Variants in GYG1 observed in about 807,000 individuals in gnomAD.
The protein encoded by GYG1 is glycogenin-1.
A neutral mutation model predicts 41.9 loss-of-function variants in GYG1; 44 were observed. The ratio of observed to expected loss-of-function variants is 1.05; its 90% CI spans 0.83 to 1.35. GYG1 has a LOEUF of 1.35. GYG1 is among the 40% of genes most tolerant of loss of function. The probability of loss-of-function intolerance (pLI) is 0.00; values close to 1 mark genes in which losing one functional copy is unlikely to be tolerated. For synonymous variants in GYG1, 141 were observed against 158.1 expected (o/e 0.89, Z 0.81); for missense variants, 429 against 418.9 (o/e 1.02, Z -0.21).
At chr3:149,015,252 GTA>G (rs1198857466) in intron 5 of GYG1, among the ~76,000 whole-genome samples, 1 of 152,172 alleles carries the variant, frequency 6.6e-6, no homozygotes, top group Non-Finnish European at 1.5e-5. Context: ...CCTAGTGAAA[GTA>G]TGAAATAGCT....
chr3:149,003,656 G>T (rs1051885275), intron 4 of GYG1, among the ~76,000 whole-genome samples: 7 of 152,118 alleles, frequency 4.6e-5, no homozygotes, highest in South Asian at 4.1e-4. Flanking sequence ...TTAAGATGTG[G>T]CTTCTGATTC....
chr3:149,022,790 G>A (rs567851089), intron 5 of GYG1, among the ~76,000 whole-genome samples: 3 of 151,916 alleles, frequency 2.0e-5, no homozygotes, highest in South Asian at 2.1e-4. Context: ...CACCGTACCC[G>A]GCCTGTTTTG....
chr3:149,018,702 C>CT (rs1714204442), intron 5 of GYG1, among the ~76,000 whole-genome samples: 1 of 152,112 alleles, frequency 6.6e-6, no homozygotes. Context: ...AGCTGGTCCT[C>CT]TAAAACCTCT....
chr3:149,029,047 C>T lies in GYG1; in HGVS notation c.*2114C>T, dbSNP rs1031737969. Among the ~76,000 whole-genome samples the T allele has an allele frequency of 2.6e-5, 4 of 152,154 alleles. No homozygotes were observed. Among genetic ancestry groups the T allele is most frequent in the African/African-American group, 7.2e-5 (3 of 41,434 alleles). ...TTAAATTTCAAATAAGTAGTGAAGGCTATTATTAACTTTTGGAATCAGAAA... is the reference window on the plus strand; with the variant it reads ...TTAAATTTCAAATAAGTAGTGAAGGTTATTATTAACTTTTGGAATCAGAAA... On this transcript the variant is annotated 3_prime_UTR_variant, in exon 8 of 8. Coordinates refer to ENST00000345003, the MANE Select transcript of GYG1 (RefSeq NM_004130.4).
chr3:148,994,054 C>A, intron 1 of GYG1, 88 bp from the exon 2 acceptor site: 1 of 1,202,128 alleles, frequency 8.3e-7, no homozygotes, highest in Non-Finnish European at 1.2e-6. Flanking sequence ...ACTGGTTTTG[C>A]TGAATTACTG....
At chr3:148,991,825 C>T (rs1195573344) in intron 1 of GYG1, among the ~76,000 whole-genome samples, 178 bp downstream of exon 1, 1 of 152,204 alleles carries the variant, frequency 6.6e-6, no homozygotes, top group Non-Finnish European at 1.5e-5. Flanking sequence ...CGCCCCGCCG[C>T]CCCCCAGAGT....
rs1576562154 is a variant in GYG1 at position 149,031,447 on chromosome 3, A to C, written c.*4514A>C. ...CTATTTATAGAAATATCTATTTAGCAGTTCCATAATTTAAAATATTCAAAT... is the reference window on the plus strand; with the variant it reads ...CTATTTATAGAAATATCTATTTAGCCGTTCCATAATTTAAAATATTCAAAT... On this transcript the variant is annotated 3_prime_UTR_variant, in exon 8 of 8. Coordinates refer to ENST00000345003, the MANE Select transcript of GYG1 (RefSeq NM_004130.4). 1.3e-5 allele frequency: 2 copies of C among 152,768 alleles called. No homozygotes were observed. Among genetic ancestry groups the C allele is most frequent in the South Asian group, 4.1e-4 (2 of 4,828 alleles). The allele number at this position is 152,768 out of a possible 1,614,324, so 9.5% of individuals were successfully genotyped here.
At position 149,031,622 on chromosome 3, in the gene GYG1, A is replaced by G. The variant is rs1410903659; in HGVS notation, c.*4689A>G. ...AACATAATCCCTAATTTTTTCATGA[A>G]CATAAAACTCCAAGTCATTTATGTG... On this transcript the variant is annotated 3_prime_UTR_variant, in exon 8 of 8. Transcript: ENST00000345003. 6.6e-6 allele frequency: 1 copy of G among 152,330 alleles called. No homozygotes were observed. The highest frequency in any genetic ancestry group is 2.4e-5 in the African/African-American group (1 of 41,468). The allele number at this position is 152,330 out of a possible 1,614,324, so 9.4% of individuals were successfully genotyped here. A position where few individuals can be genotyped will look rare whatever the true frequency, so the allele number is the denominator to read the frequency against.
In GYG1 at chr3:149,024,168, C is replaced by T; in HGVS notation, c.724C>T (p.His242Tyr). The T allele has an allele frequency of 6.2e-7, 1 of 1,613,170 alleles. No individual in the cohort carries two copies. The highest frequency in any genetic ancestry group is 8.5e-7 in the Non-Finnish European group (1 of 1,179,098). ...KSEAHDPNMT[H>Y]PEFLILWWNI... is the part of the protein sequence containing the mutation. ...TGAGGCCCATGATCCCAACATGACT[C>T]ATCCAGAGTTTCTCATCCTGTGGTG... is the stretch of plus-strand genomic sequence containing the variant. Residue 242 changes from histidine (H) to tyrosine (Y), a missense_variant, in exon 6 of 8, where the codon CAT becomes TAT. Physicochemically the swap from His to Tyr is moderately conservative, Grantham distance 83. Transcript: ENST00000345003.
Position 149,024,281 on chromosome 3 carries a change from T to C in GYG1, c.828+9T>C, listed in dbSNP as rs770120197. The C allele has an allele frequency of 3.9e-6, 6 of 1,531,016 alleles. No individual in the cohort carries two copies. In the African/African-American group the frequency reaches 8.2e-5, roughly 21 times the overall value. The allele number at this position is 1,531,016 out of a possible 1,614,324, so 94.8% of individuals were successfully genotyped here. On this transcript the variant is annotated intron_variant, in intron 6 of 7. Transcript: ENST00000345003. ...GCTCATATGTAAATGTGGTAGGTTC[T>C]GTTTCTTTTCTTCAGATCATTTAAT...
intron 5 of GYG1, among the ~76,000 whole-genome samples, chr3:149,017,108 A>G (rs1252871625): frequency 6.6e-6 from 1 of 152,230 alleles, no homozygotes; most frequent in African/African-American, 2.4e-5. Context: ...CTGTAGTCTC[A>G]TCCACATGTT....
At chr3:149,026,689 T>G (rs553625909) in intron 7 of GYG1, 71 bp from the exon 8 acceptor site, 13 of 1,239,534 alleles carry the variant, frequency 1.0e-5, no homozygotes, top group Non-Finnish European at 1.5e-5. Context: ...TTTTCTGTCT[T>G]CAATTTATTG....
rs1441338592 is a variant in GYG1, at chr3:148,994,251, C to T, written c.117C>T (p.Ala39=). 1.2e-6 allele frequency: 2 copies of T among 1,614,144 alleles called. No homozygotes were observed. Among genetic ancestry groups the T allele is most frequent in the East Asian group, 2.2e-5 (1 of 44,884 alleles). Residue 39 remains alanine, a synonymous_variant, in exon 2 of 8, where the codon GCC becomes GCT. Transcript: ENST00000345003. ...CCACCAGGAGGCTGGTCGTGCTCGC[C>T]ACCCCTCAGGTCTCAGACTCCATGA... The part of the protein sequence containing the change: ...HRTTRRLVVL[A]TPQVSDSMRK...
rs371909511 is a variant in GYG1, at chr3:149,004,885, C to G, written c.482-4391C>G. Among the ~76,000 whole-genome samples, 61 of 152,292 alleles carry G rather than the reference C, an allele frequency of 4.0e-4. 4 individuals are homozygous for G. The highest frequency in any genetic ancestry group is 3.5e-3 in the East Asian group (18 of 5,180). On this transcript the variant is annotated intron_variant, in intron 4 of 7. Transcript: ENST00000345003. ...TGGGCTGATGATGTTTGTAGGGTAC[C>G]TGAGGGTAAACAGAAACGGCCTTTT... is the stretch of plus-strand genomic sequence containing the variant.
rs762433858 is a variant in GYG1, at chr3:149,009,393, C to T, written c.599C>T (p.Ala200Val). Residue 200 changes from alanine to valine, a missense_variant, in exon 5 of 8, where the codon GCA becomes GTA. Coordinates refer to ENST00000345003, the MANE Select transcript of GYG1 (RefSeq NM_004130.4). The part of the protein sequence containing the change: ...SSISIYSYLP[A>V]FKVFGASAKV... The stretch of plus-strand genomic sequence containing the variant: ...ATCTCTATATACTCCTACCTCCCGG[C>T]ATTTAAAGTGTAAGTGCAGATGGTT... 39 of 1,613,498 alleles carry T rather than the reference C, an allele frequency of 2.4e-5. No homozygotes were observed. The highest frequency in any genetic ancestry group is 3.1e-5 in the Non-Finnish European group (36 of 1,179,516).
rs1714845109 is a variant in GYG1, at chr3:149,029,634, A to C, written c.*2701A>C. The stretch of plus-strand genomic sequence containing the variant: ...TTTAATGAATCTCATCCAAATGCTA[A>C]TGCATAAACCTTGACAAGTAGTATA... On this transcript the variant is annotated 3_prime_UTR_variant, in exon 8 of 8. Coordinates refer to ENST00000345003, the MANE Select transcript of GYG1 (RefSeq NM_004130.4). Among the ~76,000 whole-genome samples the C allele has an allele frequency of 6.6e-6, 1 of 152,246 alleles. No individual in the cohort carries two copies. The highest frequency in any genetic ancestry group is 1.5e-5 in the Non-Finnish European group (1 of 68,050).
At position 149,030,116 on chromosome 3, in the gene GYG1, G is replaced by C. The variant is rs1266982765; in HGVS notation, c.*3183G>C. The C allele has an allele frequency of 6.6e-6, 1 of 152,050 alleles. No individual in the cohort carries two copies. The highest frequency in any genetic ancestry group is 1.5e-5 in the Non-Finnish European group (1 of 67,998). The allele number at this position is 152,050 out of a possible 1,614,324, so 9.4% of individuals were successfully genotyped here. Reference sequence around the variant, plus strand: ...GATAAAGTCAAAATTATGGCACCGAGGAAGGTAATAAACATTTGAAATTTT... The same window carrying C: ...GATAAAGTCAAAATTATGGCACCGACGAAGGTAATAAACATTTGAAATTTT... On this transcript the variant is annotated 3_prime_UTR_variant, in exon 8 of 8. Coordinates refer to ENST00000345003, the MANE Select transcript of GYG1 (RefSeq NM_004130.4).
At position 149,027,050 on chromosome 3, in the gene GYG1, T is replaced by TA; in HGVS notation, c.*118dup. The TA allele has an allele frequency of 8.9e-7, 1 of 1,119,388 alleles. No individual in the cohort carries two copies. The highest frequency in any genetic ancestry group is 2.4e-5 in the East Asian group (1 of 41,832). The allele number at this position is 1,119,388 out of a possible 1,614,324, so 69.3% of individuals were successfully genotyped here. ...GTTGCTAGAGGTTTTCATTAAAACT[T>TA]ATCAGATGAGAGGCTTTTTTAGGAT... On this transcript the variant is annotated 3_prime_UTR_variant, in exon 8 of 8. Coordinates refer to ENST00000345003, the MANE Select transcript of GYG1 (RefSeq NM_004130.4).
intron 2 of GYG1, 144 bp from the exon 3 acceptor site, chr3:148,996,158 C>T (rs1033311973): frequency 1.6e-5 from 11 of 686,292 alleles, no homozygotes; most frequent in African/African-American, 1.6e-4. Flanking sequence ...AAAATTAGAA[C>T]AGATTTAAGG....
Sources: allele counts gnomAD v4.1 joint callset (sites outside exome capture counted in the v4.1 genomes callset), GRCh38; gene constraint gnomAD v4.1.1; transcripts MANE v1.5; gene names NCBI Gene and HGNC (gene_info 2026-07-23, HGNC 2026-07-21).